The following PARD3B variants were observed in gnomAD, a reference collection of about 807,000 sequenced individuals.
PARD3B encodes the protein par-3 family cell polarity regulator beta.
PARD3B carries 103 observed loss-of-function variants against 130.2 expected under a neutral mutation model. The observed-to-expected ratio is 0.79, with a 90% CI of 0.67 to 0.93. PARD3B has a LOEUF of 0.93. Ranked by LOEUF, PARD3B falls within the 40% of genes least tolerant of loss-of-function variation. The pLI is 0.00. For synonymous variants in PARD3B, 583 were observed against 553.2 expected (o/e 1.05, Z -0.76); for missense variants, 1,609 against 1,499.2 (o/e 1.07, Z -1.21).
chr2:204,877,005 T>C (rs925128345), intron 2 of PARD3B, among the ~76,000 whole-genome samples: 48 of 152,140 alleles, frequency 3.2e-4, no homozygotes, highest in Admixed American at 9.8e-4. Flanking sequence ...CCACACACTC[T>C]AGATCCCTGA....
chr2:205,196,949 C>T (rs1392158582), intron 15 of PARD3B, among the ~76,000 whole-genome samples: 1 of 151,226 alleles, frequency 6.6e-6, no homozygotes, highest in East Asian at 1.9e-4. Flanking sequence ...TTCATATGTA[C>T]TCATTCTCCT....
intron 2 of PARD3B, among the ~76,000 whole-genome samples, chr2:204,830,974 C>T (rs1013738592): frequency 6.6e-6 from 1 of 152,024 alleles, no homozygotes; most frequent in Non-Finnish European, 1.5e-5. Context: ...CTGGCATGTA[C>T]CTATTATACT....
intron 1 of PARD3B, among the ~76,000 whole-genome samples, chr2:204,599,592 T>C (rs1195261518): frequency 1.3e-5 from 2 of 151,966 alleles, no homozygotes; most frequent in African/African-American, 4.8e-5. Context: ...TCATCTTTCA[T>C]TGGACTCCTA....
At chr2:204,766,760 G>A (rs927616873) in intron 2 of PARD3B, among the ~76,000 whole-genome samples, 4 of 150,020 alleles carry the variant, frequency 2.7e-5, no homozygotes, top group African/African-American at 9.8e-5. Flanking sequence ...GCTTTGCAAA[G>A]TAATTTTTCT....
intron 15 of PARD3B, among the ~76,000 whole-genome samples, chr2:205,234,881 A>C (rs1334792949): frequency 1.3e-5 from 2 of 152,258 alleles, no homozygotes; most frequent in East Asian, 1.9e-4. Context: ...CAATAGCAGA[A>C]AGAAATCTGG....
At chr2:205,246,341 G>C (rs1449938361) in intron 16 of PARD3B, among the ~76,000 whole-genome samples, 1 of 151,542 alleles carries the variant, frequency 6.6e-6, no homozygotes, top group East Asian at 1.9e-4. Context: ...TCTCTAGGAA[G>C]TCCACAAAAA....
intron 21 of PARD3B, among the ~76,000 whole-genome samples, chr2:205,534,323 G>A (rs948192996): frequency 6.6e-5 from 10 of 152,204 alleles, no homozygotes; most frequent in African/African-American, 2.4e-4. Context: ...CAAGCATGCT[G>A]TTTTCTACAA....
chr2:205,149,451 T>C (rs1434445742), intron 10 of PARD3B, among the ~76,000 whole-genome samples: 2 of 152,170 alleles, frequency 1.3e-5, no homozygotes, highest in African/African-American at 4.8e-5. Flanking sequence ...CTACCACCCG[T>C]CCTCCTCTGT....
At chr2:204,740,394 T>C (rs2039960630) in intron 2 of PARD3B, among the ~76,000 whole-genome samples, 1 of 152,208 alleles carries the variant, frequency 6.6e-6, no homozygotes, top group African/African-American at 2.4e-5. Context: ...CAGCCATAAC[T>C]TTATTGCTAG....
At chr2:204,840,380 G>A (rs913771325) in intron 2 of PARD3B, among the ~76,000 whole-genome samples, 1 of 151,900 alleles carries the variant, frequency 6.6e-6, no homozygotes, top group Non-Finnish European at 1.5e-5. Context: ...TAGAAAGTGG[G>A]GAATATCTCT....
chr2:204,905,674 TG>T (rs980743377), intron 2 of PARD3B, among the ~76,000 whole-genome samples: 46 of 152,152 alleles, frequency 3.0e-4, no homozygotes, highest in African/African-American at 1.1e-3. Context: ...ACTGACCAAG[TG>T]GGTGGGCACA....
At chr2:205,452,027 A>G (rs1253619200) in intron 20 of PARD3B, among the ~76,000 whole-genome samples, 2 of 152,170 alleles carry the variant, frequency 1.3e-5, no homozygotes, top group Non-Finnish European at 2.9e-5. Flanking sequence ...AATTTTCATG[A>G]CCACTGAAAA....
intron 3 of PARD3B, among the ~76,000 whole-genome samples, chr2:204,968,730 C>T (rs888646786): frequency 1.3e-5 from 2 of 152,192 alleles, no homozygotes; most frequent in African/African-American, 2.4e-5. Flanking sequence ...ATCTTTAAAA[C>T]AGTACAGTAG....
intron 2 of PARD3B, among the ~76,000 whole-genome samples, chr2:204,779,400 G>A (rs1259303235): frequency 6.6e-6 from 1 of 152,084 alleles, no homozygotes; most frequent in South Asian, 2.1e-4. Context: ...TTGGTCATAG[G>A]GGTCATTAAG....
rs1373461669 is a variant in PARD3B, at chr2:204,988,511, G to C, written c.394+23188G>C. 3.9e-5 allele frequency among the ~76,000 whole-genome samples: 6 copies of C among 152,080 alleles called. No homozygotes were observed. The East Asian group carries it at 1.2e-3, about 29-fold the overall frequency. Reference sequence around the variant, plus strand: ...AGATTGTAATTGTTTGTAACACAAAGGATAAATACTTGAGGGGGTGGATAC... The same window carrying C: ...AGATTGTAATTGTTTGTAACACAAACGATAAATACTTGAGGGGGTGGATAC... On this transcript the variant is annotated intron_variant, in intron 3 of 22. Transcript: ENST00000406610.
chr2:204,818,758 T>C (rs773752331), intron 2 of PARD3B, among the ~76,000 whole-genome samples: 3 of 152,200 alleles, frequency 2.0e-5, no homozygotes, highest in Non-Finnish European at 4.4e-5. Flanking sequence ...TAACTTAGAC[T>C]AGGAAGTATC....
Position 205,116,250 on chromosome 2 carries a change from G to A in PARD3B, c.681-2671G>A, listed in dbSNP as rs1167483723. Among the ~76,000 whole-genome samples the A allele has an allele frequency of 6.6e-6, 1 of 152,150 alleles. No homozygotes were observed. The highest frequency in any genetic ancestry group is 3.2e-3 in the Middle Eastern group (1 of 316). ...AAAACATGAAATCTAATTCGTTTCA[G>A]TACAGATGCATAATATGCCTCAGTT... On this transcript the variant is annotated intron_variant, in intron 6 of 22. Transcript: ENST00000406610. The surrounding 1 kb of genome is among the most constrained non-coding windows in gnomAD (Gnocchi z 4.5).
chr2:205,525,528 T>G lies in PARD3B; in HGVS notation c.3180+25497T>G, dbSNP rs914166015. ...CGTGCATTGTTGTAATTATTAAAGA[T>G]AAAAAACAAAGTTCCTGCTATAAAC... On this transcript the variant is annotated intron_variant, in intron 21 of 22. Transcript: ENST00000406610. This position sits in a 1 kb window ranked among gnomAD's most constrained non-coding sequence, Gnocchi z 4.2. Among the ~76,000 whole-genome samples, 2 of 152,168 alleles carry G rather than the reference T, an allele frequency of 1.3e-5. No individual in the cohort carries two copies. Among genetic ancestry groups the G allele is most frequent in the African/African-American group, 4.8e-5 (2 of 41,434 alleles).
chr2:204,668,681 A>G (rs1361636147), intron 1 of PARD3B, among the ~76,000 whole-genome samples: 1 of 152,172 alleles, frequency 6.6e-6, no homozygotes, highest in Non-Finnish European at 1.5e-5. Context: ...CTTTTTCATA[A>G]AAAAGACAAT....
Sources: gnomAD v4.1 joint callset for allele counts (sites outside exome capture counted in the v4.1 genomes callset) on GRCh38, gnomAD v4.1.1 for gene constraint, Gnocchi (gnomAD v3.1) non-coding constraint, MANE v1.5 for transcripts, NCBI Gene and HGNC (gene_info 2026-07-23, HGNC 2026-07-21) for gene names.